ARMH3: variants seen among roughly 807,000 people sequenced by gnomAD.
ARMH3 encodes armadillo-like helical domain-containing protein 3.
A neutral mutation model predicts 99.1 loss-of-function variants in ARMH3; 60 were observed. The observed-to-expected ratio is 0.61, with a 90% CI of 0.49 to 0.75. The LOEUF is 0.75. ARMH3 is among the 30% of genes least tolerant of loss of function. The pLI is 0.00. For missense variants in ARMH3, 679 were observed against 843.1 expected (o/e 0.81, Z 2.41); for synonymous variants, 285 against 292.8 (o/e 0.97, Z 0.27).
At chr10:102,053,214 TAAAAA>T (rs1191838493) in intron 1 of ARMH3, among the ~76,000 whole-genome samples, 2 of 49,004 alleles carry the variant, frequency 4.1e-5, no homozygotes, top group Admixed American at 2.4e-4. Context: ...CCTCAGAAGC[TAAAAA>T]AAAAAAAAAA....
At chr10:101,976,129 ATTG>A (rs1220853389) in intron 19 of ARMH3, among the ~76,000 whole-genome samples, 2 of 129,900 alleles carry the variant, frequency 1.5e-5, no homozygotes, top group African/African-American at 5.8e-5. Context: ...AGATCACGCC[ATTG>A]CGCTCCAGCC....
chr10:102,006,953 G>A (rs2066505884), intron 13 of ARMH3, among the ~76,000 whole-genome samples: 1 of 151,732 alleles, frequency 6.6e-6, no homozygotes, highest in Non-Finnish European at 1.5e-5. Flanking sequence ...ACAAGGTCAG[G>A]AGATCGAGAC....
At chr10:101,896,903 G>A (rs1167846189) in intron 23 of ARMH3, among the ~76,000 whole-genome samples, 3 of 152,204 alleles carry the variant, frequency 2.0e-5, no homozygotes, top group Admixed American at 6.5e-5. Flanking sequence ...ACCCTACCTG[G>A]AGGTGAGAAG....
At chr10:101,976,011 C>T (rs1158422515) in intron 19 of ARMH3, among the ~76,000 whole-genome samples, 3 of 148,228 alleles carry the variant, frequency 2.0e-5, no homozygotes, top group Admixed American at 1.4e-4. Context: ...AAAAAATTAG[C>T]GGGGTGTGGT....
chr10:101,872,237 G>C (rs982104444), intron 24 of ARMH3, among the ~76,000 whole-genome samples: 1 of 150,208 alleles, frequency 6.7e-6, no homozygotes, highest in Admixed American at 6.7e-5. Flanking sequence ...GTGTGTGTGT[G>C]TCTGTGTAAC....
At chr10:102,037,977 T>G (rs1247874248) in intron 2 of ARMH3, among the ~76,000 whole-genome samples, 1 of 151,972 alleles carries the variant, frequency 6.6e-6, no homozygotes, top group Non-Finnish European at 1.5e-5. Context: ...GTAATATCAC[T>G]GTATTGTCTA....
At position 101,913,361 on chromosome 10, in the gene ARMH3, C is replaced by A. The variant is rs11191147; in HGVS notation, c.1782-23871G>T. ...ACATTCTCTCTCTCTCTCTCTCTCT[C>A]TTTTTTTTTTTTTTTTTTTTTTGAG... On this transcript the variant is annotated intron_variant, in intron 23 of 25. Transcript: ENST00000370033. 4.3e-5 allele frequency: 3 copies of A among 70,278 alleles called. No individual in the cohort carries two copies. In the East Asian group the frequency reaches 1.8e-3, roughly 41 times the overall value. The allele number at this position is 70,278 out of a possible 1,614,324, so 4.4% of individuals were successfully genotyped here. A position where few individuals can be genotyped will look rare whatever the true frequency, so the allele number is the denominator to read the frequency against.
chr10:101,993,132 G>A (rs374729954), intron 17 of ARMH3, among the ~76,000 whole-genome samples: 16 of 151,904 alleles, frequency 1.1e-4, no homozygotes, highest in Middle Eastern at 3.4e-3. Context: ...TTAGCCGAGC[G>A]TGGTGGCAGC....
intron 24 of ARMH3, among the ~76,000 whole-genome samples, chr10:101,869,943 G>T (rs917550531): frequency 2.6e-5 from 4 of 152,192 alleles, no homozygotes; most frequent in African/African-American, 9.6e-5. Context: ...TGAAGCCAGA[G>T]GATCACTTGA....
At position 101,847,326 on chromosome 10, in the gene ARMH3, T is replaced by C. The variant is rs770893631; in HGVS notation, c.*202A>G. The C allele has an allele frequency of 3.7e-6, 2 of 546,676 alleles. No individual in the cohort carries two copies. Among genetic ancestry groups the C allele is most frequent in the Non-Finnish European group, 6.6e-6 (2 of 304,574 alleles). 33.9% of individuals were successfully genotyped at this position (546,676 alleles called of 1,614,324 possible). A position where few individuals can be genotyped will look rare whatever the true frequency, so the allele number is the denominator to read the frequency against. On this transcript the variant is annotated 3_prime_UTR_variant, in exon 26 of 26. Coordinates refer to ENST00000370033, the MANE Select transcript of ARMH3 (RefSeq NM_024541.3). ...GGCCTCTCCCCACTGTGCCCACCCA[T>C]TCCTCCCCAAATAAGATTATCCCTG...
intron 23 of ARMH3, among the ~76,000 whole-genome samples, chr10:101,938,447 T>G (rs1421489994): frequency 1.3e-5 from 2 of 151,868 alleles, no homozygotes; most frequent in African/African-American, 4.8e-5. Context: ...CAGAAACCAC[T>G]GAAAGGAAAA....
intron 24 of ARMH3, among the ~76,000 whole-genome samples, chr10:101,863,030 C>A (rs1403571777): frequency 6.6e-6 from 1 of 152,092 alleles, no homozygotes; most frequent in East Asian, 1.9e-4. Context: ...ATGGAGAAAC[C>A]CTGTCTCTAC....
chr10:102,029,637 C>T lies in ARMH3; in HGVS notation c.414+1G>A. The T allele has an allele frequency of 6.2e-7, 1 of 1,614,224 alleles. No homozygotes were observed. The highest frequency in any genetic ancestry group is 8.5e-7 in the Non-Finnish European group (1 of 1,180,036). ...AGGCACATCTGCAGCTTATGCCTCACCTTCATGCACAGCTCCGCCTTGTCA... is the reference window on the plus strand; with the variant it reads ...AGGCACATCTGCAGCTTATGCCTCATCTTCATGCACAGCTCCGCCTTGTCA... On this transcript the variant is annotated splice_donor_variant, in intron 5 of 25. Coordinates refer to ENST00000370033, the MANE Select transcript of ARMH3 (RefSeq NM_024541.3). LOFTEE classifies it high-confidence loss of function.
Position 102,004,664 on chromosome 10 carries a change from A to G in ARMH3, c.1048+1876T>C, listed in dbSNP as rs184457579. Reference sequence around the variant, plus strand: ...ATATATGGCTTTTGATATCCATGGTAACCAGGCAGGGTTCATTCTTAAAGA... The same window carrying G: ...ATATATGGCTTTTGATATCCATGGTGACCAGGCAGGGTTCATTCTTAAAGA... On this transcript the variant is annotated intron_variant, in intron 14 of 25. Transcript: ENST00000370033. Among the ~76,000 whole-genome samples the G allele has an allele frequency of 3.0e-3, 452 of 152,328 alleles. 2 individuals carry two copies. The highest frequency in any genetic ancestry group is 4.3e-3 in the Non-Finnish European group (292 of 68,022).
chr10:101,948,529 A>G (rs551385949), intron 22 of ARMH3, among the ~76,000 whole-genome samples: 1 of 152,362 alleles, frequency 6.6e-6, no homozygotes, highest in African/African-American at 2.4e-5. Context: ...TTATATAATG[A>G]TAAAAGAGTC....
chr10:101,924,160 C>G (rs1564756462), intron 23 of ARMH3, among the ~76,000 whole-genome samples: 1 of 152,046 alleles, frequency 6.6e-6, no homozygotes, highest in Non-Finnish European at 1.5e-5. Context: ...TCGAAAAATA[C>G]CCTGAGAAGC....
intron 20 of ARMH3, among the ~76,000 whole-genome samples, chr10:101,971,264 C>A (rs1452071596): frequency 6.6e-6 from 1 of 151,966 alleles, no homozygotes; most frequent in Non-Finnish European, 1.5e-5. Context: ...CCAGTAGGAG[C>A]GCAGTGTGAC....
intron 1 of ARMH3, among the ~76,000 whole-genome samples, chr10:102,041,625 C>T (rs966170572): frequency 2.6e-5 from 4 of 151,842 alleles, no homozygotes; most frequent in African/African-American, 9.7e-5. Context: ...GGAAATTTCT[C>T]CAACTAGGTA....
intron 24 of ARMH3, among the ~76,000 whole-genome samples, chr10:101,855,319 C>T (rs1025140312): frequency 2.7e-5 from 4 of 150,174 alleles, no homozygotes; most frequent in East Asian, 2.1e-4. Context: ...CCACCTGCCT[C>T]GGCCTCCCAA....
Sources: gnomAD v4.1 joint callset for allele counts (sites outside exome capture counted in the v4.1 genomes callset) on GRCh38, gnomAD v4.1.1 for gene constraint, MANE v1.5 for transcripts, NCBI Gene and HGNC (gene_info 2026-07-23, HGNC 2026-07-21) for gene names.